Variants in VPS13B observed in about 807,000 individuals in gnomAD.
The protein encoded by VPS13B is vacuolar protein sorting 13 homolog B.
Under a neutral mutation model 426.4 loss-of-function variants are expected in VPS13B, and 285 were observed. The observed-to-expected ratio is 0.67, with a 90% CI of 0.61 to 0.74. The LOEUF is 0.74. Among genes scored for constraint, VPS13B ranks in the 30% least tolerant of loss-of-function variants. The pLI is 0.00. For synonymous variants in VPS13B, 1,676 were observed against 1,676.4 expected, an observed-to-expected ratio of 1.00 and a Z score of 0.01; for missense variants, 4,537 against 4,782.6, an observed-to-expected ratio of 0.95 and a Z score of 1.51.
chr8:99,124,451 A>G (rs1347825629), intron 8 of VPS13B, among the ~76,000 whole-genome samples: 1 of 152,230 alleles, frequency 6.6e-6, no homozygotes, highest in South Asian at 2.1e-4. Context: ...CTGGTATTCA[A>G]ACAAATTGGT....
intron 17 of VPS13B, among the ~76,000 whole-genome samples, chr8:99,240,380 T>C (rs1208817750): frequency 6.6e-6 from 1 of 152,218 alleles, no homozygotes; most frequent in Non-Finnish European, 1.5e-5. Flanking sequence ...AATATTTTAA[T>C]AGTATTTCCT....
At chr8:99,788,648 C>G (rs545551366) in intron 43 of VPS13B, among the ~76,000 whole-genome samples, 2 of 152,236 alleles carry the variant, frequency 1.3e-5, no homozygotes, top group African/African-American at 4.8e-5. Context: ...ATGAGTGTGG[C>G]TGTGTGCCAA....
intron 54 of VPS13B, among the ~76,000 whole-genome samples, chr8:99,843,606 A>G (rs1047012066): frequency 2.6e-5 from 4 of 152,204 alleles, no homozygotes; most frequent in African/African-American, 9.6e-5. Flanking sequence ...GGGAAGAATG[A>G]GAGACATACG....
intron 35 of VPS13B, among the ~76,000 whole-genome samples, chr8:99,673,895 A>G (rs1328468952): frequency 6.6e-6 from 1 of 152,058 alleles, no homozygotes; most frequent in Middle Eastern, 3.2e-3. Flanking sequence ...TTTAATTTCC[A>G]TAAACTTGTG....
chr8:99,798,675 T>C lies in VPS13B; in HGVS notation c.7942-10700T>C, dbSNP rs369288254. On this transcript the variant is annotated intron_variant, in intron 43 of 61. Coordinates refer to ENST00000357162, the MANE Select transcript of VPS13B (RefSeq NM_152564.5). ...ATGGCTGCTGGTGCGGCTAATGGTC[T>C]CTCTCTTCCTCCCCTGGCAATAAAT... Among the ~76,000 whole-genome samples the C allele has an allele frequency of 5.9e-5, 9 of 152,294 alleles. No individual in the cohort carries two copies. The East Asian group carries it at 1.7e-3, about 29-fold the overall frequency.
At chr8:99,837,189 T>G (rs1815442211) in intron 54 of VPS13B, among the ~76,000 whole-genome samples, 1 of 152,058 alleles carries the variant, frequency 6.6e-6, no homozygotes, top group African/African-American at 2.4e-5. Context: ...CTGTGGAAAC[T>G]GGTGAAGGGC....
intron 19 of VPS13B, among the ~76,000 whole-genome samples, chr8:99,319,935 C>A (rs371977467): frequency 1.3e-5 from 2 of 152,258 alleles, no homozygotes; most frequent in South Asian, 4.2e-4. Context: ...CTCTTTTATG[C>A]ACCACTTTTT....
At chr8:99,246,518 G>T (rs1280900297) in intron 17 of VPS13B, among the ~76,000 whole-genome samples, 2 of 152,140 alleles carry the variant, frequency 1.3e-5, no homozygotes, top group Non-Finnish European at 2.9e-5. Context: ...AGACTGTCTT[G>T]CAAAGCCTAA....
At chr8:99,856,089 G>A (rs1193319408) in intron 56 of VPS13B, among the ~76,000 whole-genome samples, 3 of 152,232 alleles carry the variant, frequency 2.0e-5, no homozygotes, top group African/African-American at 7.2e-5. Context: ...GTGGCACCAA[G>A]TAACGGGCCC....
intron 56 of VPS13B, among the ~76,000 whole-genome samples, chr8:99,857,453 GTTTC>G (rs1430215515): frequency 4.6e-5 from 7 of 152,220 alleles, no homozygotes; most frequent in Admixed American, 2.0e-4. Flanking sequence ...GGAATCTGCT[GTTTC>G]TTTACCTCCA....
At chr8:99,500,877 A>G (rs1158664811) in intron 25 of VPS13B, among the ~76,000 whole-genome samples, 2 of 152,198 alleles carry the variant, frequency 1.3e-5, no homozygotes, top group Admixed American at 6.5e-5. Context: ...GGTTTATTTT[A>G]TTCTGGCCTG....
At chr8:99,360,166 CTTTCTT>C (rs1812447293) in intron 19 of VPS13B, among the ~76,000 whole-genome samples, 2 of 36,430 alleles carry the variant, frequency 5.5e-5, no homozygotes, top group Non-Finnish European at 9.9e-5. Context: ...TTCTTTCTTT[CTTTCTT>C]TCTTTCTTTC....
intron 17 of VPS13B, among the ~76,000 whole-genome samples, chr8:99,243,532 A>T (rs139601618): frequency 1.2e-3 from 185 of 152,280 alleles, no homozygotes; most frequent in African/African-American, 4.1e-3. Context: ...TTACATAGGA[A>T]ATATACATGT....
Position 99,575,644 on chromosome 8 carries a change from AC to A in VPS13B, c.4950-13del. The A allele has an allele frequency of 1.2e-6, 2 of 1,613,620 alleles. No homozygotes were observed. Among genetic ancestry groups the A allele is most frequent in the Non-Finnish European group, 1.7e-6 (2 of 1,179,758 alleles). On this transcript the variant is annotated splice_polypyrimidine_tract_variant and intron_variant, in intron 31 of 61. Transcript: ENST00000357162. ...ATAATGAAATGGCTAATAATCTTTT[AC>A]TCTATCTTTTAGCATACGGCGGCAT... is the stretch of plus-strand genomic sequence containing the variant.
intron 20 of VPS13B, 22 bp downstream of exon 20, chr8:99,384,339 T>A (rs1814000042): frequency 1.3e-6 from 2 of 1,580,404 alleles, no homozygotes; most frequent in Non-Finnish European, 1.7e-6. Context: ...TTAAATAATT[T>A]TTTCTGTTAA....
At chr8:99,688,434 A>G (rs1831511434) in intron 35 of VPS13B, among the ~76,000 whole-genome samples, 1 of 152,046 alleles carries the variant, frequency 6.6e-6, no homozygotes, top group Non-Finnish European at 1.5e-5. Context: ...ACTAAAATTG[A>G]CAGAACTTAA....
intron 23 of VPS13B, among the ~76,000 whole-genome samples, chr8:99,460,723 T>C (rs1275713839): frequency 6.6e-6 from 1 of 152,186 alleles, no homozygotes; most frequent in Non-Finnish European, 1.5e-5. Flanking sequence ...AAATTATTGG[T>C]TGACTGTTTT....
intron 3 of VPS13B, among the ~76,000 whole-genome samples, chr8:99,084,715 A>G (rs1337771804): frequency 6.6e-6 from 1 of 152,208 alleles, no homozygotes; most frequent in Non-Finnish European, 1.5e-5. Context: ...TTATGTAGCC[A>G]GTAGTCATTC....
In VPS13B at chr8:99,170,070, TG is replaced by T; in HGVS notation, c.2242del (p.Asp748IlefsTer25). The T allele has an allele frequency of 6.2e-7, 1 of 1,612,868 alleles. No homozygotes were observed. The highest frequency in any genetic ancestry group is 2.2e-5 in the East Asian group (1 of 44,834). On this transcript the variant is annotated frameshift_variant, in exon 16 of 62. Coordinates refer to ENST00000357162, the MANE Select transcript of VPS13B (RefSeq NM_152564.5). LOFTEE classifies it high-confidence loss of function. ...IFGFQAGLTS[L>X]DCSGSYCLPV... is the part of the protein sequence containing the mutation. The stretch of plus-strand genomic sequence containing the variant: ...GGTTTCCAGGCAGGACTGACGTCTT[TG>T]GATTGCAGTGGATCTTACTGCTTAC...
Sources: allele counts gnomAD v4.1 joint callset (sites outside exome capture counted in the v4.1 genomes callset), GRCh38; gene constraint gnomAD v4.1.1; transcripts MANE v1.5; gene names NCBI Gene and HGNC (gene_info 2026-07-23, HGNC 2026-07-21).